MGST1: variants seen among roughly 807,000 people sequenced by gnomAD.
MGST1 encodes the protein microsomal glutathione S-transferase 1.
In MGST1, 5 loss-of-function variants were observed where a neutral mutation model predicts 8.9. That is an observed-to-expected ratio of 0.56 (90% confidence interval 0.29 to 1.19). The LOEUF (loss-of-function observed/expected upper bound fraction) is 1.19, where lower values mean the gene tolerates loss of function less well. Among genes scored for constraint, MGST1 ranks in the 50% most tolerant of loss-of-function variants. The pLI is 0.08. For missense variants in MGST1, 182 were observed against 187.4 expected (o/e 0.97, Z 0.17); for synonymous variants, 54 against 67.8 (o/e 0.80, Z 1.00).
At chr12:16,394,720 C>A (rs1293616753) in intron 1 of MGST1, among the ~76,000 whole-genome samples, 2 of 151,974 alleles carry the variant, frequency 1.3e-5, no homozygotes, top group African/African-American at 2.4e-5. Flanking sequence ...GCCTCAGGCT[C>A]CAAGTAGCTG....
chr12:16,491,954 C>T (rs546346193), intron 4 of MGST1, among the ~76,000 whole-genome samples: 96 of 152,266 alleles, frequency 6.3e-4, no homozygotes, highest in African/African-American at 2.2e-3. Context: ...GCACCAAATG[C>T]ACTTTGTCTA....
At chr12:16,461,193 AGCACATC>A in intron 4 of MGST1, among the ~76,000 whole-genome samples, 1 of 149,794 alleles carries the variant, frequency 6.7e-6, no homozygotes, top group African/African-American at 2.4e-5. Flanking sequence ...AAAAAAAAAA[AGCACATC>A]ATAACATCAC....
chr12:16,374,655 T>C (rs943941796), intron 3 of MGST1, among the ~76,000 whole-genome samples: 1 of 152,152 alleles, frequency 6.6e-6, no homozygotes, highest in African/African-American at 2.4e-5. Flanking sequence ...AGGTTATTTA[T>C]TGAAGCACCA....
chr12:16,465,586 C>G (rs990403676), intron 4 of MGST1, among the ~76,000 whole-genome samples: 16 of 152,160 alleles, frequency 1.1e-4, no homozygotes, highest in East Asian at 7.7e-4. Flanking sequence ...TTGCACGCTC[C>G]TTATAATAAT....
chr12:16,370,779 A>G (rs1320992274), intron 3 of MGST1, among the ~76,000 whole-genome samples: 1 of 152,134 alleles, frequency 6.6e-6, no homozygotes, highest in Non-Finnish European at 1.5e-5. Flanking sequence ...CAATTTTTGA[A>G]ATATTCTGTG....
intron 4 of MGST1, among the ~76,000 whole-genome samples, chr12:16,446,651 C>G (rs183848497): frequency 6.6e-6 from 1 of 151,972 alleles, no homozygotes. Context: ...GCCACTTAGC[C>G]TTTATTGATT....
intron 4 of MGST1, among the ~76,000 whole-genome samples, chr12:16,540,717 G>C (rs889821474): frequency 4.6e-5 from 7 of 152,114 alleles, no homozygotes; most frequent in African/African-American, 1.7e-4. Context: ...GATCACTTGA[G>C]GCCAGGAGTT....
chr12:16,507,213 A>C (rs2137174826), intron 4 of MGST1, among the ~76,000 whole-genome samples: 2 of 152,296 alleles, frequency 1.3e-5, no homozygotes, highest in East Asian at 1.9e-4. Context: ...TGGAGGTTGG[A>C]GAAAGAAGAC....
intron 1 of MGST1, among the ~76,000 whole-genome samples, chr12:16,426,887 G>A (rs536230626): frequency 6.7e-6 from 1 of 149,742 alleles, no homozygotes; most frequent in South Asian, 2.1e-4. Flanking sequence ...CAGGAGAATG[G>A]CATGAACCAG....
chr12:16,463,720 T>G (rs1941236455), intron 4 of MGST1, among the ~76,000 whole-genome samples: 1 of 152,094 alleles, frequency 6.6e-6, no homozygotes, highest in African/African-American at 2.4e-5. Context: ...ATATTGAGCC[T>G]TTACACTTGC....
At chr12:16,416,346 C>A (rs1940788191) in intron 1 of MGST1, among the ~76,000 whole-genome samples, 1 of 152,126 alleles carries the variant, frequency 6.6e-6, no homozygotes, top group Non-Finnish European at 1.5e-5. Context: ...TCAAAAAATA[C>A]AAAAATGTGT....
chr12:16,541,911 A>C (rs2137213590), intron 4 of MGST1, among the ~76,000 whole-genome samples: 1 of 152,332 alleles, frequency 6.6e-6, no homozygotes, highest in South Asian at 2.1e-4. Flanking sequence ...AACCAGAGTA[A>C]CAAAAGTAAG....
rs1052899299 is a variant in MGST1 at position 16,362,672 on chromosome 12, G to A, written c.222-1123G>A. 6.6e-6 allele frequency: 1 copy of A among 152,156 alleles called. No individual in the cohort carries two copies. Among genetic ancestry groups the A allele is most frequent in the African/African-American group, 2.4e-5 (1 of 41,436 alleles). The allele number at this position is 152,156 out of a possible 1,614,324, so 9.4% of individuals were successfully genotyped here. A position where few individuals can be genotyped will look rare whatever the true frequency, so the allele number is the denominator to read the frequency against. On this transcript the variant is annotated intron_variant, in intron 3 of 3. Coordinates refer to ENST00000396210, the MANE Select transcript of MGST1 (RefSeq NM_020300.5). This position sits in a 1 kb window ranked among gnomAD's most constrained non-coding sequence, Gnocchi z 4.4. ...TAAGTATTTTTAAAAATGTTGCTGG[G>A]CATGATGGCTTGCACCTATAAACCC...
intron 2 of MGST1, chr12:16,354,790 AAAG>A (rs1939636675): frequency 6.6e-6 from 1 of 152,570 alleles, no homozygotes. Context: ...ATAGAAAAAA[AAAG>A]AAGAAAGAAA....
At chr12:16,511,878 A>T (rs1941579409) in intron 4 of MGST1, among the ~76,000 whole-genome samples, 1 of 152,144 alleles carries the variant, frequency 6.6e-6, no homozygotes, top group Non-Finnish European at 1.5e-5. Context: ...ACTAGCTGAG[A>T]TCACCAATTT....
chr12:16,514,270 G>T (rs952702280), intron 4 of MGST1: 5 of 280,440 alleles, frequency 1.8e-5, no homozygotes, highest in African/African-American at 1.1e-4. Context: ...TTGCAAAGAC[G>T]CAGATGAAGC....
At chr12:16,564,827 C>G (rs1942535126) in intron 4 of MGST1, among the ~76,000 whole-genome samples, 1 of 152,124 alleles carries the variant, frequency 6.6e-6, no homozygotes, top group Admixed American at 6.6e-5. Context: ...ACTCTGTCAC[C>G]TAGGCTGGAA....
At chr12:16,454,644 C>T (rs1170884713) in intron 4 of MGST1, among the ~76,000 whole-genome samples, 2 of 151,708 alleles carry the variant, frequency 1.3e-5, no homozygotes, top group Non-Finnish European at 2.9e-5. Context: ...AGCTGTTTCA[C>T]ATATTTCATT....
In MGST1 at chr12:16,542,002, C is replaced by G. The variant is rs544888279; in HGVS notation, n.483-47526C>G. 5.3e-5 allele frequency among the ~76,000 whole-genome samples: 8 copies of G among 152,196 alleles called. No homozygotes were observed. In the East Asian group the frequency reaches 1.5e-3, roughly 29 times the overall value. On this transcript the variant is annotated intron_variant and non_coding_transcript_variant, in intron 4 of 4. Transcript: ENST00000538857. Reference sequence around the variant, plus strand: ...GTTTAAGTCCGCCCTGCTGCAGTGGCCCCCAAATCATCAGTGGACCTTTTA... The same window carrying G: ...GTTTAAGTCCGCCCTGCTGCAGTGGGCCCCAAATCATCAGTGGACCTTTTA...
Sources: allele counts gnomAD v4.1 joint callset (sites outside exome capture counted in the v4.1 genomes callset), GRCh38; gene constraint gnomAD v4.1.1; non-coding constraint Gnocchi (gnomAD v3.1); transcripts MANE v1.5; gene names NCBI Gene and HGNC (gene_info 2026-07-23, HGNC 2026-07-21).